Variants in FRYL observed in about 807,000 individuals in gnomAD.
FRYL encodes the protein protein furry homolog-like.
A neutral mutation model predicts 351.2 loss-of-function variants in FRYL; 150 were observed. That is an observed-to-expected ratio of 0.43 (90% CI 0.37 to 0.49). The LOEUF (loss-of-function observed/expected upper bound fraction) is 0.49. Ranked by LOEUF, FRYL falls within the 20% of genes least tolerant of loss-of-function variation. The pLI is 0.00. For synonymous variants in FRYL, 1,153 were observed against 1,257.1 expected, an observed-to-expected ratio of 0.92 and a Z score of 1.75; for missense variants, 3,036 against 3,619.3, an observed-to-expected ratio of 0.84 and a Z score of 4.13.
chr4:48,637,582 T>G (rs1204845464), intron 3 of FRYL: 1 of 24,478 alleles, frequency 4.1e-5, no homozygotes, highest in Non-Finnish European at 8.7e-5. Context: ...AGCATTGAAT[T>G]ACAAACTGGA....
rs1728503116 is a variant in FRYL at position 48,534,784 on chromosome 4, CTA to C, written c.6565-101_6565-100del. The C allele has an allele frequency of 1.8e-5, 13 of 721,686 alleles. No homozygotes were observed. The East Asian group carries it at 3.6e-4, about 20-fold the overall frequency. 44.7% of individuals were successfully genotyped at this position (721,686 alleles called of 1,614,324 possible). A position where few individuals can be genotyped will look rare whatever the true frequency, so the allele number is the denominator to read the frequency against. Reference sequence around the variant, plus strand: ...ACAGGTTGGAAAACATAGATTTAGCCTATGAGTTTATAGTTATGTGGATTAGA... The same window carrying C: ...ACAGGTTGGAAAACATAGATTTAGCCTGAGTTTATAGTTATGTGGATTAGA... On this transcript the variant is annotated intron_variant, in intron 48 of 63. Coordinates refer to ENST00000358350, the MANE Select transcript of FRYL (RefSeq NM_015030.2).
chr4:48,532,811 T>C (rs1727960091), intron 49 of FRYL, among the ~76,000 whole-genome samples: 1 of 152,210 alleles, frequency 6.6e-6, no homozygotes, highest in Non-Finnish European at 1.5e-5. Context: ...TTGCTGGTTG[T>C]GTTTAAATGT....
chr4:48,574,609 A>T (rs1269096138), intron 25 of FRYL: 1 of 152,238 alleles, frequency 6.6e-6, no homozygotes, highest in Non-Finnish European at 1.5e-5. Context: ...AATTCTCAAA[A>T]GAATAAATTC....
rs768486755 is a variant in FRYL, at chr4:48,505,560, T to C, written c.8450A>G (p.Asn2817Ser). ...CAAGAAACTTACTTGTGCATCTGTG[T>C]TTATCCTATACATGTCTTCTTTGGC... ...FGAKEDMYRI[N>S]TDAQQMEILA... The change falls in exon 60 of 64, where the codon AAC becomes AGC. Residue 2817 changes from asparagine (N) to serine (S), a missense_variant. Physicochemically the swap from Asn to Ser is conservative, Grantham distance 46 (BLOSUM62 1). Transcript: ENST00000358350. 1 of 1,605,734 alleles carries C rather than the reference T, an allele frequency of 6.2e-7. No homozygotes were observed. The highest frequency in any genetic ancestry group is 1.1e-5 in the South Asian group (1 of 90,036).
intron 3 of FRYL, among the ~76,000 whole-genome samples, chr4:48,639,083 T>C (rs1260632772): frequency 1.3e-5 from 2 of 152,036 alleles, no homozygotes; most frequent in Non-Finnish European, 2.9e-5. Flanking sequence ...TCTGCACATG[T>C]ATCCCAGAAC....
chr4:48,774,745 A>G (rs1288900279), intron 1 of FRYL, among the ~76,000 whole-genome samples: 1 of 152,066 alleles, frequency 6.6e-6, no homozygotes, highest in African/African-American at 2.4e-5. Flanking sequence ...ACAGGGTTTC[A>G]CTATGTTGGC....
At chr4:48,693,163 T>C (rs544630703) in intron 2 of FRYL, among the ~76,000 whole-genome samples, 16 of 152,352 alleles carry the variant, frequency 1.1e-4, no homozygotes, top group African/African-American at 2.2e-4. Flanking sequence ...CTTGGTACAA[T>C]TGCTTGTCGG....
chr4:48,765,214 C>G (rs893546760), intron 1 of FRYL, among the ~76,000 whole-genome samples: 1 of 152,136 alleles, frequency 6.6e-6, no homozygotes, highest in African/African-American at 2.4e-5. Flanking sequence ...TGACCAAAAA[C>G]AACAAAACTG....
chr4:48,653,774 G>A, intron 3 of FRYL: 5 of 1,291,008 alleles, frequency 3.9e-6, no homozygotes, highest in Non-Finnish European at 5.1e-6. Flanking sequence ...ACAGAATCCT[G>A]TAGACTCAAC....
Position 48,586,661 on chromosome 4 carries a change from C to G in FRYL, c.1708G>C (p.Asp570His). The G allele has an allele frequency of 1.2e-6, 2 of 1,612,186 alleles. No individual in the cohort carries two copies. The highest frequency in any genetic ancestry group is 1.7e-4 in the Middle Eastern group (1 of 6,056). Residue 570 changes from aspartate (D) to histidine (H), a missense_variant, in exon 19 of 64, where the codon GAC becomes CAC. This residue lies in a region of FRYL where 78 missense variants were observed against 106.6 expected (regional missense o/e 0.73). Transcript: ENST00000358350. Reference protein sequence around the residue: ...CIAAIPRLIPDGMSRTDLIEL... With the variant: ...CIAAIPRLIPHGMSRTDLIEL... ...ATCAGGTCAGTTCTGCTCATACCGT[C>G]AGGAATCAACCTTGGAATCGCAGCA...
chr4:48,590,048 A>G (rs940725621), intron 17 of FRYL, among the ~76,000 whole-genome samples, 171 bp from the exon 18 acceptor site: 9 of 152,198 alleles, frequency 5.9e-5, no homozygotes, highest in African/African-American at 1.9e-4. Flanking sequence ...ATATTGGACT[A>G]ATTGGAGAAA....
At chr4:48,632,108 A>ATG (rs1296244528) in intron 4 of FRYL, among the ~76,000 whole-genome samples, 2,149 of 64,286 alleles carry the variant, frequency 0.033, 120 homozygotes, top group African/African-American at 0.072. Context: ...ATATATATAT[A>ATG]TATATATATA....
chr4:48,686,011 G>C (rs1237817939), intron 2 of FRYL, among the ~76,000 whole-genome samples: 1 of 152,086 alleles, frequency 6.6e-6, no homozygotes, highest in Non-Finnish European at 1.5e-5. Flanking sequence ...TAAAGGCTGG[G>C]ATTACAGGCG....
chr4:48,671,858 C>CAAAACAAAAAA (rs1762753377), intron 3 of FRYL, among the ~76,000 whole-genome samples: 3 of 22,396 alleles, frequency 1.3e-4, no homozygotes, highest in Admixed American at 1.5e-3. Flanking sequence ...GTCTCAAAAA[C>CAAAACAAAAAA]AAAAAAAAAA....
intron 10 of FRYL, 61 bp downstream of exon 10, chr4:48,606,377 G>T: frequency 9.0e-7 from 1 of 1,107,826 alleles, no homozygotes; most frequent in Non-Finnish European, 1.3e-6. Flanking sequence ...CTTTTAAAAA[G>T]TCATGAAGAG....
At chr4:48,499,891 G>A (rs74283246) in intron 63 of FRYL, 139 bp downstream of exon 63, 3 of 764,562 alleles carry the variant, frequency 3.9e-6, no homozygotes, top group East Asian at 5.3e-5. Context: ...TATCATTTCA[G>A]TGGCAACTGT....
chr4:48,568,326 G>A (rs979043728), intron 27 of FRYL, among the ~76,000 whole-genome samples: 2 of 152,168 alleles, frequency 1.3e-5, no homozygotes, highest in African/African-American at 4.8e-5. Flanking sequence ...ACCACTGACT[G>A]ACTGATGGAG....
chr4:48,534,408 A>G, intron 49 of FRYL, 137 bp downstream of exon 49: 1 of 672,664 alleles, frequency 1.5e-6, no homozygotes, highest in Non-Finnish European at 2.5e-6. Flanking sequence ...CATTTTCCAT[A>G]CTGCAAATAT....
chr4:48,738,527 C>T (rs1230709167), intron 1 of FRYL, among the ~76,000 whole-genome samples: 3 of 152,064 alleles, frequency 2.0e-5, no homozygotes, highest in Non-Finnish European at 4.4e-5. Flanking sequence ...GAGATGGGGT[C>T]TCACTCTGTC....
Sources: allele counts gnomAD v4.1 joint callset (sites outside exome capture counted in the v4.1 genomes callset), GRCh38; gene constraint gnomAD v4.1.1; regional missense constraint gnomAD v4.1.1; transcripts MANE v1.5; gene names NCBI Gene and HGNC (gene_info 2026-07-23, HGNC 2026-07-21).